AHCYL2: variants seen among roughly 807,000 people sequenced by gnomAD.
AHCYL2 encodes the protein adenosylhomocysteinase like 2, also known as S-adenosylhomocysteine hydrolase-like protein 2.
A neutral mutation model predicts 81.4 loss-of-function variants in AHCYL2; 28 were observed. The observed-to-expected ratio is 0.34, with a 90% CI of 0.25 to 0.47. The LOEUF (loss-of-function observed/expected upper bound fraction) is 0.47, where lower values mean the gene tolerates loss of function less well. AHCYL2 is among the 20% of genes least tolerant of loss of function. The probability of loss-of-function intolerance (pLI) is 1.00; values close to 1 mark genes in which losing one functional copy is unlikely to be tolerated. For missense variants in AHCYL2, 551 were observed against 785.1 expected (o/e 0.70, Z 3.56); for synonymous variants, 272 against 290.2 (o/e 0.94, Z 0.64).
At chr7:129,302,204 T>C (rs926575444) in intron 1 of AHCYL2, among the ~76,000 whole-genome samples, 4 of 152,226 alleles carry the variant, frequency 2.6e-5, no homozygotes, top group Non-Finnish European at 4.4e-5. Flanking sequence ...ATAGAAATGC[T>C]AGTGACTTTT....
At chr7:129,352,547 C>T (rs1266848572) in intron 1 of AHCYL2, among the ~76,000 whole-genome samples, 3 of 152,184 alleles carry the variant, frequency 2.0e-5, no homozygotes, top group Non-Finnish European at 4.4e-5. Flanking sequence ...CAATTTTTCT[C>T]ATCTTAGTAA....
chr7:129,276,333 A>G (rs1796202818), intron 1 of AHCYL2, among the ~76,000 whole-genome samples: 1 of 151,912 alleles, frequency 6.6e-6, no homozygotes, highest in Non-Finnish European at 1.5e-5. Context: ...CTTATATTAG[A>G]AAAAAAACAG....
intron 1 of AHCYL2, among the ~76,000 whole-genome samples, chr7:129,346,876 C>G (rs1793380403): frequency 6.6e-6 from 1 of 152,168 alleles, no homozygotes; most frequent in African/African-American, 2.4e-5. Context: ...AATTTGGAAG[C>G]AATTTTAAAG....
intron 1 of AHCYL2, among the ~76,000 whole-genome samples, chr7:129,236,585 C>T (rs1794652437): frequency 1.3e-5 from 2 of 152,174 alleles, no homozygotes; most frequent in Admixed American, 1.3e-4. Context: ...AAGCGATCTG[C>T]CCGCCTCAGC....
intron 12 of AHCYL2, 25 bp from the exon 13 acceptor site, chr7:129,422,815 G>A (rs748371124): frequency 1.9e-6 from 3 of 1,607,452 alleles, no homozygotes; most frequent in East Asian, 4.5e-5. Context: ...TATGGCTAAT[G>A]CTGTACTTGC....
At chr7:129,349,540 CAGG>C (rs1266876559) in intron 1 of AHCYL2, among the ~76,000 whole-genome samples, 1 of 147,160 alleles carries the variant, frequency 6.8e-6, no homozygotes, top group East Asian at 2.0e-4. Flanking sequence ...CCCAGCTACT[CAGG>C]AGGCTGAGTG....
chr7:129,238,803 TAGTC>T (rs1345064946), intron 1 of AHCYL2, among the ~76,000 whole-genome samples: 1 of 152,048 alleles, frequency 6.6e-6, no homozygotes, highest in Non-Finnish European at 1.5e-5. Context: ...ATACAGAAGT[TAGTC>T]AGGCGTGGTG....
chr7:129,267,230 GGTGTGTGTGTGTGTGTGT>G (rs769745702), intron 1 of AHCYL2, among the ~76,000 whole-genome samples: 1 of 59,160 alleles, frequency 1.7e-5, no homozygotes, highest in African/African-American at 4.3e-5. Flanking sequence ...TCACTCAAGG[GGTGTGTGTGTGTGTGTGT>G]GTGTGTGTGT....
intron 1 of AHCYL2, among the ~76,000 whole-genome samples, chr7:129,243,268 C>T (rs1006137191): frequency 1.3e-5 from 2 of 152,050 alleles, no homozygotes; most frequent in African/African-American, 2.4e-5. Context: ...TGTGATCCAC[C>T]TGCCTCGGCC....
chr7:129,301,550 T>G (rs1339703810), intron 1 of AHCYL2, among the ~76,000 whole-genome samples: 2 of 152,152 alleles, frequency 1.3e-5, no homozygotes, highest in African/African-American at 4.8e-5. Flanking sequence ...ATGTGAGAGA[T>G]AGAGGTCTAG....
rs566984562 is a variant in AHCYL2, at chr7:129,339,219, T to C, written c.364-40419T>C. 2.6e-5 allele frequency among the ~76,000 whole-genome samples: 4 copies of C among 152,220 alleles called. No individual in the cohort carries two copies. The South Asian group carries it at 8.3e-4, about 31-fold the overall frequency. On this transcript the variant is annotated intron_variant, in intron 1 of 16. Transcript: ENST00000325006. The stretch of plus-strand genomic sequence containing the variant: ...TTTGTTTGTTTTAAAGAACCAGTTC[T>C]AGGTGTAGAAAAACAGACACTCATA...
intron 1 of AHCYL2, among the ~76,000 whole-genome samples, chr7:129,336,910 C>G (rs1798622819): frequency 6.6e-6 from 1 of 152,062 alleles, no homozygotes; most frequent in African/African-American, 2.4e-5. Flanking sequence ...CCGTGCCTGG[C>G]TAATTTTTAA....
intron 1 of AHCYL2, among the ~76,000 whole-genome samples, chr7:129,243,495 T>C (rs1369001561): frequency 6.6e-6 from 1 of 152,242 alleles, no homozygotes; most frequent in Admixed American, 6.5e-5. Context: ...AACTTGTACC[T>C]ATCCTGGGGT....
intron 1 of AHCYL2, among the ~76,000 whole-genome samples, chr7:129,326,422 G>A (rs930890118): frequency 6.6e-6 from 1 of 152,074 alleles, no homozygotes; most frequent in African/African-American, 2.4e-5. Flanking sequence ...AGCTACTTGG[G>A]AGGCAGAGGC....
intron 1 of AHCYL2, among the ~76,000 whole-genome samples, chr7:129,362,567 G>A (rs1793965912): frequency 6.7e-6 from 1 of 148,662 alleles, no homozygotes. Context: ...CTGAAACTTA[G>A]GTGACTAAGG....
chr7:129,364,479 C>T (rs977945521), intron 1 of AHCYL2, among the ~76,000 whole-genome samples: 4 of 152,126 alleles, frequency 2.6e-5, no homozygotes, highest in Non-Finnish European at 4.4e-5. Flanking sequence ...TTAGTAGAGA[C>T]GGGGTTTCAC....
intron 2 of AHCYL2, among the ~76,000 whole-genome samples, chr7:129,387,048 C>T (rs559761650): frequency 6.6e-6 from 1 of 152,314 alleles, no homozygotes; most frequent in Admixed American, 6.5e-5. Context: ...ACTTTACATA[C>T]ATTATCTTAC....
At position 129,430,015 on chromosome 7, in the gene AHCYL2, A is replaced by T. The variant is rs992197500; in HGVS notation, c.*2970A>T. ...TATGTGGACAGGTTCTAAACTCTAT[A>T]TATACATATATATATATATATCTAT... On this transcript the variant is annotated 3_prime_UTR_variant, in exon 17 of 17. Coordinates refer to ENST00000325006, the MANE Select transcript of AHCYL2 (RefSeq NM_015328.4). 1 of 149,406 alleles carries T rather than the reference A, an allele frequency of 6.7e-6. No homozygotes were observed. The highest frequency in any genetic ancestry group is 1.5e-5 in the Non-Finnish European group (1 of 67,594). The allele number at this position is 149,406 out of a possible 1,614,324, so 9.3% of individuals were successfully genotyped here. A position where few individuals can be genotyped will look rare whatever the true frequency, so the allele number is the denominator to read the frequency against.
At chr7:129,301,408 T>C (rs1261232658) in intron 1 of AHCYL2, among the ~76,000 whole-genome samples, 1 of 152,216 alleles carries the variant, frequency 6.6e-6, no homozygotes, top group African/African-American at 2.4e-5. Flanking sequence ...CCTGTGCTTG[T>C]GGGGTATTTA....
Sources: gnomAD v4.1 joint callset for allele counts (sites outside exome capture counted in the v4.1 genomes callset) on GRCh38, gnomAD v4.1.1 for gene constraint, MANE v1.5 for transcripts, NCBI Gene and HGNC (gene_info 2026-07-23, HGNC 2026-07-21) for gene names.